The following CACNA1A variants were observed in gnomAD, a reference collection of about 807,000 sequenced individuals.
CACNA1A encodes voltage-dependent P/Q-type calcium channel subunit alpha-1A.
A neutral mutation model predicts 262.4 loss-of-function variants in CACNA1A; 57 were observed. The ratio of observed to expected loss-of-function variants is 0.22; its 90% confidence interval spans 0.18 to 0.27. CACNA1A has a LOEUF of 0.27. Among genes scored for constraint, CACNA1A ranks in the 10% least tolerant of loss-of-function variants. The pLI, the probability that CACNA1A is intolerant of heterozygous loss-of-function variation, is 1.00. For missense variants in CACNA1A, 2,526 were observed against 3,562.8 expected (o/e 0.71, Z 7.41); for synonymous variants, 1,431 against 1,419.3 (o/e 1.01, Z -0.18).
chr19:13,427,280 C>G (rs916601874), intron 3 of CACNA1A, among the ~76,000 whole-genome samples: 6 of 151,804 alleles, frequency 4.0e-5, no homozygotes, highest in African/African-American at 1.5e-4. Flanking sequence ...GGAGAAACCC[C>G]GTCTCTACTA....
intron 6 of CACNA1A, among the ~76,000 whole-genome samples, chr19:13,338,361 T>C (rs974520237): frequency 6.6e-6 from 1 of 152,240 alleles, no homozygotes; most frequent in Non-Finnish European, 1.5e-5. Context: ...TAACTGTATG[T>C]ACCTTTGCCA....
intron 1 of CACNA1A, among the ~76,000 whole-genome samples, chr19:13,495,971 T>C (rs1327488891): frequency 6.6e-6 from 1 of 151,758 alleles, no homozygotes; most frequent in African/African-American, 2.4e-5. Context: ...CCACCTACCC[T>C]CCAATCACCC....
At chr19:13,247,715 A>T (rs1405567382) in intron 30 of CACNA1A, among the ~76,000 whole-genome samples, 2 of 150,712 alleles carry the variant, frequency 1.3e-5, no homozygotes, top group Non-Finnish European at 3.0e-5. Context: ...AATAAATAAA[A>T]ATAAATAAAT....
chr19:13,310,533 T>C (rs1162909327), intron 12 of CACNA1A, among the ~76,000 whole-genome samples: 1 of 93,810 alleles, frequency 1.1e-5, no homozygotes, highest in African/African-American at 4.6e-5. Flanking sequence ...GAGAGAGAGT[T>C]TAATTTTGTC....
intron 3 of CACNA1A, among the ~76,000 whole-genome samples, chr19:13,436,712 T>C (rs536945014): frequency 2.0e-5 from 3 of 152,296 alleles, no homozygotes; most frequent in South Asian, 4.1e-4. Flanking sequence ...ATTAACCAAA[T>C]AGACAACATT....
rs1253266579 is a variant in CACNA1A at position 13,212,527 on chromosome 19, A to G, written c.6051-5T>C. 15 of 1,564,038 alleles carry G rather than the reference A, an allele frequency of 9.6e-6. No individual in the cohort carries two copies. The East Asian group carries it at 2.6e-4, about 27-fold the overall frequency. On this transcript the variant is annotated splice_region_variant and splice_polypyrimidine_tract_variant and intron_variant, in intron 41 of 46. Transcript: ENST00000360228. This position sits in a 1 kb window ranked among gnomAD's most constrained non-coding sequence, Gnocchi z 5.6. Reference sequence around the variant, plus strand: ...AGGCCGCTTTCGTGAGCCATCCTGCATGGGGGACAGAGGCCGGGGTAGCAG... The same window carrying G: ...AGGCCGCTTTCGTGAGCCATCCTGCGTGGGGGACAGAGGCCGGGGTAGCAG...
At position 13,469,417 on chromosome 19, in the gene CACNA1A, C is replaced by T. The variant is rs558452979; in HGVS notation, c.294-14205G>A. On this transcript the variant is annotated intron_variant, in intron 1 of 46. Coordinates refer to ENST00000360228, the MANE Select transcript of CACNA1A (RefSeq NM_001127222.2). ...GCATGCTCAGAAGCTACACCAGCCA[C>T]CTCCAAAACACCTGTTTCCAGCATC... 2.0e-5 allele frequency among the ~76,000 whole-genome samples: 3 copies of T among 151,842 alleles called. No homozygotes were observed. In the East Asian group the frequency reaches 5.8e-4, roughly 29 times the overall value.
chr19:13,417,889 C>CAAAAA (rs113789898), intron 3 of CACNA1A, among the ~76,000 whole-genome samples: 3 of 83,424 alleles, frequency 3.6e-5, no homozygotes, highest in African/African-American at 1.0e-4. Context: ...GACTCCATCT[C>CAAAAA]AAAAAAAAAA....
intron 31 of CACNA1A, 198 bp downstream of exon 31, chr19:13,244,981 ACCC>A (rs373661384): frequency 3.4e-6 from 2 of 590,398 alleles, no homozygotes; most frequent in Admixed American, 5.9e-5. Context: ...AGCTTTGGTT[ACCC>A]CCATCTCCCC....
chr19:13,498,421 G>T (rs1220835486), intron 1 of CACNA1A, among the ~76,000 whole-genome samples: 1 of 152,158 alleles, frequency 6.6e-6, no homozygotes, highest in African/African-American at 2.4e-5. Flanking sequence ...ACTGGCAAGT[G>T]GGTGACTAAG....
intron 3 of CACNA1A, among the ~76,000 whole-genome samples, chr19:13,402,869 CACACATAT>C (rs1376831553): frequency 4.0e-5 from 3 of 75,674 alleles, no homozygotes; most frequent in Admixed American, 1.6e-4. Context: ...CACACACACA[CACACATAT>C]ATATATATAT....
chr19:13,407,037 A>G (rs1256135578), intron 3 of CACNA1A, among the ~76,000 whole-genome samples: 1 of 152,034 alleles, frequency 6.6e-6, no homozygotes, highest in Non-Finnish European at 1.5e-5. Flanking sequence ...TATAAACCCT[A>G]TGATGTGGAA....
At chr19:13,416,434 C>T (rs139202845) in intron 3 of CACNA1A, among the ~76,000 whole-genome samples, 2,146 of 152,280 alleles carry the variant, frequency 0.014, 50 homozygotes, top group African/African-American at 0.049. Flanking sequence ...GTAATCCTAG[C>T]ACTTCGGGAG....
intron 1 of CACNA1A, among the ~76,000 whole-genome samples, chr19:13,459,688 A>C (rs2061080247): frequency 6.6e-6 from 1 of 152,128 alleles, no homozygotes; most frequent in South Asian, 2.1e-4. Flanking sequence ...TTTGAAGCTG[A>C]CTTCGCTTTC....
chr19:13,399,579 A>G (rs1416568170), intron 3 of CACNA1A, among the ~76,000 whole-genome samples: 1 of 152,150 alleles, frequency 6.6e-6, no homozygotes, highest in Admixed American at 6.5e-5. Context: ...AATGAGCACG[A>G]CCAGTTCTCA....
At chr19:13,231,078 AC>A in intron 35 of CACNA1A, among the ~76,000 whole-genome samples, 1 of 151,190 alleles carries the variant, frequency 6.6e-6, no homozygotes, top group East Asian at 1.9e-4. Flanking sequence ...ATCATGGCTC[AC>A]TGCAGCCTCG....
intron 3 of CACNA1A, among the ~76,000 whole-genome samples, chr19:13,408,845 A>C (rs1436658233): frequency 1.3e-5 from 2 of 152,176 alleles, no homozygotes; most frequent in African/African-American, 4.8e-5. Flanking sequence ...AGGGGTTTGA[A>C]GGGTTCCTGG....
At chr19:13,453,385 G>T (rs914530811) in intron 2 of CACNA1A, among the ~76,000 whole-genome samples, 9 of 152,198 alleles carry the variant, frequency 5.9e-5, no homozygotes. Context: ...AGTCACACTG[G>T]CTACATTTCA....
Position 13,207,343 on chromosome 19 carries a change from G to A in CACNA1A, c.7491C>T (p.Pro2497=), listed in dbSNP as rs1368524598. Residue 2497 remains proline (P), a synonymous_variant, in exon 47 of 47, where the codon CCC becomes CCT. Transcript: ENST00000360228. This position sits in a 1 kb window ranked among gnomAD's most constrained non-coding sequence, Gnocchi z 5.7. The part of the protein sequence containing the change: ...GPGSRKGLHE[P]YSESDDDWC ...ACCAATCATCGTCACTCTCGCTGTA[G>A]GGTTCGTGCAGGCCCTTCCTGGAGC... is the stretch of plus-strand genomic sequence containing the variant. 2 of 1,561,388 alleles carry A rather than the reference G, an allele frequency of 1.3e-6. No homozygotes were observed. Among genetic ancestry groups the A allele is most frequent in the Middle Eastern group, 1.7e-4 (1 of 5,992 alleles).
Sources: allele counts gnomAD v4.1 joint callset (sites outside exome capture counted in the v4.1 genomes callset), GRCh38; gene constraint gnomAD v4.1.1; non-coding constraint Gnocchi (gnomAD v3.1); transcripts MANE v1.5; gene names NCBI Gene and HGNC (gene_info 2026-07-23, HGNC 2026-07-21).